Variants in FAM117B observed in about 807,000 individuals in gnomAD.
FAM117B encodes protein FAM117B.
A neutral mutation model predicts 52.8 loss-of-function variants in FAM117B; 22 were observed. That is an observed-to-expected ratio of 0.42 (90% CI 0.30 to 0.59). FAM117B has a LOEUF of 0.59. FAM117B is among the 20% of genes least tolerant of loss of function. The pLI, the probability that FAM117B is intolerant of heterozygous loss-of-function variation, is 0.22. For synonymous variants in FAM117B, 309 were observed against 324.1 expected (o/e 0.95, Z 0.50); for missense variants, 678 against 802.6 (o/e 0.84, Z 1.88).
At chr2:202,726,384 A>G in intron 4 of FAM117B, 21 bp downstream of exon 4, 1 of 1,532,408 alleles carries the variant, frequency 6.5e-7, no homozygotes, top group Non-Finnish European at 8.9e-7. Context: ...CAATACCACA[A>G]AATCCAGAAA....
chr2:202,656,354 A>AT (rs570550832), intron 1 of FAM117B, among the ~76,000 whole-genome samples: 220 of 152,108 alleles, frequency 1.4e-3, no homozygotes, highest in Non-Finnish European at 2.3e-3. Flanking sequence ...AATGCCATAC[A>AT]TTTTTCTCTA....
intron 4 of FAM117B, among the ~76,000 whole-genome samples, chr2:202,737,853 C>T (rs549602939): frequency 1.3e-5 from 2 of 152,276 alleles, no homozygotes; most frequent in Admixed American, 6.5e-5. Context: ...CTGACCACCT[C>T]GACCTCCCAA....
intron 1 of FAM117B, among the ~76,000 whole-genome samples, chr2:202,687,400 C>T (rs1690558311): frequency 6.6e-6 from 1 of 151,994 alleles, no homozygotes; most frequent in African/African-American, 2.4e-5. Flanking sequence ...TTCAAAACTC[C>T]AAAGATGGGT....
intron 2 of FAM117B, among the ~76,000 whole-genome samples, chr2:202,710,282 G>A (rs377164079): frequency 2.0e-4 from 30 of 152,102 alleles, no homozygotes; most frequent in African/African-American, 2.9e-4. Flanking sequence ...TGTTTATGTC[G>A]TCTTTAATTT....
At chr2:202,716,273 T>C (rs1367817687) in intron 2 of FAM117B, among the ~76,000 whole-genome samples, 6 of 152,218 alleles carry the variant, frequency 3.9e-5, no homozygotes, top group African/African-American at 1.4e-4. Context: ...ATATAGTTTT[T>C]CATAAATGAA....
At chr2:202,749,035 A>G (rs1159784194) in intron 4 of FAM117B, among the ~76,000 whole-genome samples, 1 of 152,142 alleles carries the variant, frequency 6.6e-6, no homozygotes, top group African/African-American at 2.4e-5. Flanking sequence ...AGTTTATGAA[A>G]CTTAGCAAAG....
intron 2 of FAM117B, among the ~76,000 whole-genome samples, chr2:202,709,051 C>T (rs767158478): frequency 5.3e-5 from 8 of 152,176 alleles, no homozygotes; most frequent in African/African-American, 1.2e-4. Flanking sequence ...CTGACAGGCG[C>T]GAGATGATAC....
chr2:202,694,102 A>G (rs762012459), intron 1 of FAM117B, among the ~76,000 whole-genome samples: 10 of 150,194 alleles, frequency 6.7e-5, no homozygotes, highest in Non-Finnish European at 1.5e-4. Context: ...TAAATCATGT[A>G]TGAGGTGTTG....
intron 1 of FAM117B, among the ~76,000 whole-genome samples, chr2:202,638,142 G>T (rs1401975856): frequency 6.6e-6 from 1 of 152,200 alleles, no homozygotes; most frequent in Admixed American, 6.5e-5. Context: ...TCCCCAAAGT[G>T]CTGGGATTAC....
chr2:202,683,259 G>A (rs1690490475), intron 1 of FAM117B, among the ~76,000 whole-genome samples: 4 of 151,606 alleles, frequency 2.6e-5, no homozygotes, highest in Admixed American at 6.6e-5. Flanking sequence ...ACCCTGGGAG[G>A]CGGAGGGTAC....
intron 4 of FAM117B, among the ~76,000 whole-genome samples, chr2:202,730,710 A>G (rs1445872595): frequency 6.6e-6 from 1 of 152,188 alleles, no homozygotes; most frequent in Non-Finnish European, 1.5e-5. Flanking sequence ...ATAGGATTTT[A>G]GAAGTTTATC....
chr2:202,761,381 G>T (rs1214176677), intron 7 of FAM117B, among the ~76,000 whole-genome samples: 1 of 152,194 alleles, frequency 6.6e-6, no homozygotes, highest in East Asian at 1.9e-4. Context: ...TGAGGACTCA[G>T]TGTCTGAGCT....
intron 1 of FAM117B, among the ~76,000 whole-genome samples, chr2:202,690,042 T>G (rs1278604056): frequency 6.6e-6 from 1 of 152,222 alleles, no homozygotes; most frequent in African/African-American, 2.4e-5. Context: ...CTAAGGGTCA[T>G]GGTTTGGGAT....
chr2:202,742,281 T>TA (rs1266462579), intron 4 of FAM117B, among the ~76,000 whole-genome samples: 3 of 152,234 alleles, frequency 2.0e-5, no homozygotes, highest in African/African-American at 7.2e-5. Flanking sequence ...CAGCTAGCGT[T>TA]ACCAGATGTC....
At chr2:202,726,222 G>A in intron 3 of FAM117B, 28 bp from the exon 4 acceptor site, 1 of 1,494,276 alleles carries the variant, frequency 6.7e-7, no homozygotes. Flanking sequence ...AAAACACTCT[G>A]GTGTACTTGC....
At chr2:202,750,655 A>C (rs1691707681) in intron 4 of FAM117B, among the ~76,000 whole-genome samples, 1 of 152,176 alleles carries the variant, frequency 6.6e-6, no homozygotes, top group South Asian at 2.1e-4. Flanking sequence ...CAAGCATCTT[A>C]TATGTTCTAG....
At chr2:202,682,533 C>T (rs1377690156) in intron 1 of FAM117B, among the ~76,000 whole-genome samples, 1 of 152,156 alleles carries the variant, frequency 6.6e-6, no homozygotes, top group Non-Finnish European at 1.5e-5. Flanking sequence ...TGGCTAGTTC[C>T]AGCGCCCATA....
intron 7 of FAM117B, among the ~76,000 whole-genome samples, chr2:202,764,972 G>A (rs1336470482): frequency 2.0e-5 from 3 of 152,106 alleles, no homozygotes; most frequent in Non-Finnish European, 2.9e-5. Flanking sequence ...AGCAAAAGAC[G>A]GACATTGTAT....
At chr2:202,711,072 C>G (rs1690950064) in intron 2 of FAM117B, among the ~76,000 whole-genome samples, 2 of 152,060 alleles carry the variant, frequency 1.3e-5, no homozygotes, top group African/African-American at 4.8e-5. Flanking sequence ...AGGTATATGC[C>G]TAGGAGTAGG....
Sources: gnomAD v4.1 joint callset for allele counts (sites outside exome capture counted in the v4.1 genomes callset) on GRCh38, gnomAD v4.1.1 for gene constraint, MANE v1.5 for transcripts, NCBI Gene and HGNC (gene_info 2026-07-23, HGNC 2026-07-21) for gene names.